The following TGM4 variants were observed in gnomAD, a reference collection of about 807,000 sequenced individuals.
TGM4 encodes the protein transglutaminase 4, also known as protein-glutamine gamma-glutamyltransferase 4.
In TGM4, 61 loss-of-function variants were observed where a neutral mutation model predicts 76.3. The ratio of observed to expected loss-of-function variants is 0.80; its 90% CI spans 0.65 to 0.99. TGM4 has a LOEUF of 0.99. Among genes scored for constraint, TGM4 ranks in the 50% least tolerant of loss-of-function variants. The pLI, the probability that TGM4 is intolerant of heterozygous loss-of-function variation, is 0.00. For synonymous variants in TGM4, 337 were observed against 329.8 expected (o/e 1.02, Z -0.24); for missense variants, 794 against 843.2 (o/e 0.94, Z 0.72).
chr3:44,906,350 T>G (rs1699921575), intron 9 of TGM4, among the ~76,000 whole-genome samples: 1 of 152,126 alleles, frequency 6.6e-6, no homozygotes, highest in South Asian at 2.1e-4. Flanking sequence ...ATAAGGGAAC[T>G]CTCTATCCCC....
At chr3:44,887,828 C>A in intron 3 of TGM4, 33 bp downstream of exon 3, 1 of 1,592,338 alleles carries the variant, frequency 6.3e-7, no homozygotes, top group Non-Finnish European at 8.6e-7. Context: ...GGTGGGCTGG[C>A]TGGCTTCTGG....
At chr3:44,889,735 C>T (rs1193569700) in intron 3 of TGM4, among the ~76,000 whole-genome samples, 2 of 152,160 alleles carry the variant, frequency 1.3e-5, no homozygotes, top group South Asian at 4.1e-4. Flanking sequence ...GAGGCCTGGA[C>T]GCCCTTGGAC....
rs1699996780 is a variant in TGM4, at chr3:44,910,975, A to T, written c.1624A>T (p.Thr542Ser). 6.2e-7 allele frequency: 1 copy of T among 1,613,954 alleles called. No individual in the cohort carries two copies. The highest frequency in any genetic ancestry group is 1.3e-5 in the African/African-American group (1 of 74,882). ...TTTGGCAGTATCAGAAGTGACTCTG[A>T]CCTTGGACTCCAAGACCTACATCAA... ...IQGQVSEVTL[T>S]LDSKTYINSL... The change falls in exon 12 of 14, where the codon ACC becomes TCC. Residue 542 changes from threonine (T) to serine (S), a missense_variant. Physicochemically the swap from Thr to Ser is moderately conservative, Grantham distance 58 (BLOSUM62 1). Coordinates refer to ENST00000296125, the MANE Select transcript of TGM4 (RefSeq NM_003241.4).
intron 5 of TGM4, among the ~76,000 whole-genome samples, chr3:44,895,575 A>C (rs1266327053): frequency 6.6e-6 from 1 of 152,168 alleles, no homozygotes; most frequent in African/African-American, 2.4e-5. Flanking sequence ...ACTTGAGTCC[A>C]GAAGGCTAAG....
intron 2 of TGM4, 151 bp from the exon 3 acceptor site, chr3:44,887,538 C>A: frequency 1.5e-6 from 1 of 646,844 alleles, no homozygotes; most frequent in Non-Finnish European, 2.6e-6. Flanking sequence ...GAGGCCCCTG[C>A]AGAATTAGAG....
At chr3:44,887,988 C>A in intron 3 of TGM4, 193 bp downstream of exon 3, 1 of 595,618 alleles carries the variant, frequency 1.7e-6, no homozygotes, top group South Asian at 2.0e-5. Context: ...CACACAGTAT[C>A]GCTGTGGCCA....
At chr3:44,893,536 G>C in intron 4 of TGM4, 41 bp from the exon 5 acceptor site, 1 of 1,573,092 alleles carries the variant, frequency 6.4e-7, no homozygotes, top group Non-Finnish European at 8.7e-7. Context: ...TCCTGTCCCA[G>C]GGCAGAATAT....
intron 10 of TGM4, among the ~76,000 whole-genome samples, chr3:44,908,724 C>T (rs2089341): frequency 0.21 from 32,357 of 152,004 alleles, 3,594 homozygotes; most frequent in African/African-American, 0.28. Context: ...GCCATTTGTT[C>T]TCACACTTTT....
At chr3:44,901,189 G>A (rs947724218) in intron 6 of TGM4, among the ~76,000 whole-genome samples, 4 of 152,158 alleles carry the variant, frequency 2.6e-5, no homozygotes, top group African/African-American at 4.8e-5. Context: ...GCAGTGAGCC[G>A]AGCTCACACC....
chr3:44,893,020 G>C (rs1699725630), intron 4 of TGM4, among the ~76,000 whole-genome samples: 1 of 152,182 alleles, frequency 6.6e-6, no homozygotes, highest in Admixed American at 6.5e-5. Flanking sequence ...GTGTTGTCCA[G>C]TTTTTCTGCT....
intron 1 of TGM4, among the ~76,000 whole-genome samples, chr3:44,876,194 G>C (rs915538726): frequency 6.6e-6 from 1 of 152,218 alleles, no homozygotes; most frequent in Non-Finnish European, 1.5e-5. Flanking sequence ...ACACTATGCT[G>C]CCTCCCTGCT....
chr3:44,909,241 G>C (rs1476470418), intron 10 of TGM4, among the ~76,000 whole-genome samples: 1 of 152,172 alleles, frequency 6.6e-6, no homozygotes, highest in Non-Finnish European at 1.5e-5. Flanking sequence ...TGAGCCTCAA[G>C]GTCAGTTAGA....
chr3:44,901,852 A>G lies in TGM4; in HGVS notation c.892A>G (p.Thr298Ala), dbSNP rs1433632766. Residue 298 changes from threonine (T) to alanine (A), a missense_variant, in exon 8 of 14, where the codon ACA becomes GCA. Coordinates refer to ENST00000296125, the MANE Select transcript of TGM4 (RefSeq NM_003241.4). ...GACAGGCTTCGATTCAGCTCACGACACAGAAAGGAACCTCACGGTGGACAC... is the reference window on the plus strand; with the variant it reads ...GACAGGCTTCGATTCAGCTCACGACGCAGAAAGGAACCTCACGGTGGACAC... ...SVTGFDSAHD[T>A]ERNLTVDTYV... 6.2e-7 allele frequency: 1 copy of G among 1,614,174 alleles called. No homozygotes were observed. The highest frequency in any genetic ancestry group is 1.1e-5 in the South Asian group (1 of 91,086).
At chr3:44,903,828 T>C in intron 8 of TGM4, 56 bp from the exon 9 acceptor site, 1 of 1,515,236 alleles carries the variant, frequency 6.6e-7, no homozygotes, top group Non-Finnish European at 9.2e-7. Context: ...GGCGTATTTA[T>C]CTCTAACTAG....
chr3:44,887,038 T>G (rs796375936), intron 2 of TGM4, among the ~76,000 whole-genome samples: 78 of 152,288 alleles, frequency 5.1e-4, no homozygotes, highest in African/African-American at 1.6e-3. Flanking sequence ...GCACGGCAAG[T>G]GCCAGGGCCC....
chr3:44,895,916 T>G (rs915472445), intron 5 of TGM4, among the ~76,000 whole-genome samples: 5 of 152,178 alleles, frequency 3.3e-5, no homozygotes, highest in African/African-American at 1.2e-4. Context: ...AGTAACGTGC[T>G]TATCACAAAA....
chr3:44,896,602 A>G, intron 5 of TGM4, 107 bp from the exon 6 acceptor site: 1 of 959,326 alleles, frequency 1.0e-6, no homozygotes, highest in Non-Finnish European at 1.6e-6. Context: ...GGCAGGGGAG[A>G]TGGGTTACGC....
At chr3:44,886,660 G>A (rs1699612215) in intron 2 of TGM4, among the ~76,000 whole-genome samples, 2 of 152,164 alleles carry the variant, frequency 1.3e-5, no homozygotes, top group Non-Finnish European at 2.9e-5. Context: ...CACATGCCAG[G>A]TGTTGCACTG....
Position 44,896,708 on chromosome 3 carries a change from G to A in TGM4, c.550-1G>A. On this transcript the variant is annotated splice_acceptor_variant, in intron 5 of 13. Transcript: ENST00000296125. LOFTEE classifies it high-confidence loss of function. The stretch of plus-strand genomic sequence containing the variant: ...GCCTCTTTCTTCATTTCCCAAAATA[G>A]TTTGAGAAAAATGTCCTGGACTGCT... The A allele has an allele frequency of 1.2e-6, 2 of 1,613,918 alleles. No individual in the cohort carries two copies. Among genetic ancestry groups the A allele is most frequent in the South Asian group, 1.1e-5 (1 of 91,082 alleles).
Sources: gnomAD v4.1 joint callset for allele counts (sites outside exome capture counted in the v4.1 genomes callset) on GRCh38, gnomAD v4.1.1 for gene constraint, MANE v1.5 for transcripts, NCBI Gene and HGNC (gene_info 2026-07-23, HGNC 2026-07-21) for gene names.